The following POLR1B variants were observed in gnomAD, a reference collection of about 807,000 sequenced individuals.
POLR1B encodes the protein DNA-directed RNA polymerase I subunit RPA2.
POLR1B carries 30 observed loss-of-function variants against 105.8 expected under a neutral mutation model. That is an observed-to-expected ratio of 0.28 (90% CI 0.21 to 0.38). POLR1B has a LOEUF of 0.38. Ranked by LOEUF, POLR1B falls within the 10% of genes least tolerant of loss-of-function variation. The pLI is 1.00. For missense variants in POLR1B, 976 were observed against 1,435.8 expected (o/e 0.68, Z 5.17); for synonymous variants, 485 against 505.1 (o/e 0.96, Z 0.53).
rs1684429378 is a variant in POLR1B at position 112,568,666 on chromosome 2, G to A, written c.1918-80G>A. The A allele has an allele frequency of 1.4e-5, 21 of 1,490,336 alleles. 1 individual carries two copies. The South Asian group carries it at 2.3e-4, about 16-fold the overall frequency. The allele number at this position is 1,490,336 out of a possible 1,614,324, so 92.3% of individuals were successfully genotyped here. On this transcript the variant is annotated intron_variant, in intron 11 of 14. Transcript: ENST00000263331. ...GGATGGTTTTCTCTTGAGTCTTTGA[G>A]TACTGAACTCTGAGAAATGGTAAGA...
chr2:112,561,143 A>G, intron 9 of POLR1B, among the ~76,000 whole-genome samples: 1 of 152,132 alleles, frequency 6.6e-6, no homozygotes, highest in African/African-American at 2.4e-5. Context: ...AAGATTCAGA[A>G]GATGTAATCA....
At position 112,563,506 on chromosome 2, in the gene POLR1B, C is replaced by T. The variant is rs567687726; in HGVS notation, c.1613-860C>T. 8.5e-5 allele frequency among the ~76,000 whole-genome samples: 13 copies of T among 152,306 alleles called. No individual in the cohort carries two copies. In the East Asian group the frequency reaches 9.6e-4, roughly 11 times the overall value. On this transcript the variant is annotated intron_variant, in intron 9 of 14. Transcript: ENST00000263331. The stretch of plus-strand genomic sequence containing the variant: ...TGCAGTCAGTCCCCTCAAACCCTGC[C>T]GCTGTTTTATCAACTAAGTTTATGA...
intron 1 of POLR1B, 172 bp downstream of exon 1, chr2:112,542,843 CT>C: frequency 1.3e-6 from 1 of 768,434 alleles, no homozygotes; most frequent in East Asian, 2.7e-5. Context: ...CTTCGTGAGA[CT>C]TGGAGTCGAG....
At chr2:112,542,046 G>A (rs1682770967), upstream of POLR1B, 1 of 1,473,934 alleles carries the variant, frequency 6.8e-7, no homozygotes, top group East Asian at 2.5e-5. Context: ...GACTTTGGCC[G>A]GATGACTCCC....
intron 7 of POLR1B, among the ~76,000 whole-genome samples, chr2:112,555,308 T>C (rs1319646729): frequency 1.3e-5 from 2 of 151,488 alleles, no homozygotes; most frequent in Non-Finnish European, 2.9e-5. Flanking sequence ...CACTGCACTC[T>C]AGCCTGGGCA....
chr2:112,564,033 A>G (rs1474433669), intron 9 of POLR1B, among the ~76,000 whole-genome samples: 1 of 152,166 alleles, frequency 6.6e-6, no homozygotes, highest in Non-Finnish European at 1.5e-5. Context: ...TGCTATTTCT[A>G]CCACATCTAC....
At chr2:112,558,242 G>T (rs907147459) in intron 8 of POLR1B, among the ~76,000 whole-genome samples, 161 bp downstream of exon 8, 4 of 152,184 alleles carry the variant, frequency 2.6e-5, no homozygotes, top group African/African-American at 9.7e-5. Flanking sequence ...CTTTAGACAA[G>T]GTGTCTGTAT....
In POLR1B at chr2:112,573,697, G is replaced by C. The variant is rs779282177; in HGVS notation, c.2407G>C (p.Val803Leu). ...TGGCATCAAACCTGGTGACCCACGC[G>C]TTCTGCAGAAGTTAGATGACGATGG... is the stretch of plus-strand genomic sequence containing the variant. ...VFGIKPGDPR[V>L]LQKLDDDGLP... The change falls in exon 14 of 15, where the codon GTT becomes CTT. Residue 803 changes from valine to leucine, a missense_variant. Coordinates refer to ENST00000263331, the MANE Select transcript of POLR1B (RefSeq NM_019014.6). The C allele has an allele frequency of 1.2e-6, 2 of 1,614,092 alleles. No homozygotes were observed. The highest frequency in any genetic ancestry group is 1.7e-5 in the Admixed American group (1 of 59,996).
chr2:112,545,728 C>A (rs1448261127), intron 1 of POLR1B: 4 of 223,164 alleles, frequency 1.8e-5, no homozygotes, highest in East Asian at 1.8e-4. Flanking sequence ...CAGCCTCGAC[C>A]TTCCAGGATC....
chr2:112,542,802 C>T, intron 1 of POLR1B, 131 bp downstream of exon 1: 9 of 1,212,410 alleles, frequency 7.4e-6, no homozygotes, highest in Non-Finnish European at 9.1e-6. Flanking sequence ...AGCGGGAGAG[C>T]ACAACATGTT....
intron 1 of POLR1B, among the ~76,000 whole-genome samples, chr2:112,544,876 A>G (rs2104502584): frequency 6.6e-6 from 1 of 152,266 alleles, no homozygotes; most frequent in South Asian, 2.1e-4. Flanking sequence ...ATTGATTTTT[A>G]TTACTTGGGG....
In POLR1B at chr2:112,549,155, A is replaced by T; in HGVS notation, c.493-112A>T. On this transcript the variant is annotated intron_variant, in intron 3 of 14. Transcript: ENST00000263331. ...TTTCAAGGGATCAGTAGTACATTTCACCTCTGTGTTCCTATTCTGTGTGTT... is the reference window on the plus strand; with the variant it reads ...TTTCAAGGGATCAGTAGTACATTTCTCCTCTGTGTTCCTATTCTGTGTGTT... 3 of 1,185,586 alleles carry T rather than the reference A, an allele frequency of 2.5e-6. No individual in the cohort carries two copies. In the East Asian group the frequency reaches 7.1e-5, roughly 28 times the overall value. The allele number at this position is 1,185,586 out of a possible 1,614,324, so 73.4% of individuals were successfully genotyped here.
rs1470876835 is a variant in POLR1B at position 112,567,830 on chromosome 2, C to T, written c.1747-137C>T. 3.5e-5 allele frequency: 23 copies of T among 660,774 alleles called. No individual in the cohort carries two copies. In the East Asian group the frequency reaches 4.6e-4, roughly 13 times the overall value. The allele number at this position is 660,774 out of a possible 1,614,324, so 40.9% of individuals were successfully genotyped here. ...CAGTAGTTAGTGATTTGCCTACTAGCTGGGGTGAGCACCCAAGGAAGTAGG... is the reference window on the plus strand; with the variant it reads ...CAGTAGTTAGTGATTTGCCTACTAGTTGGGGTGAGCACCCAAGGAAGTAGG... On this transcript the variant is annotated intron_variant, in intron 10 of 14. Transcript: ENST00000263331.
intron 4 of POLR1B, 140 bp downstream of exon 4, chr2:112,549,539 G>A (rs1015234688): frequency 3.3e-5 from 23 of 688,716 alleles, no homozygotes; most frequent in Non-Finnish European, 4.3e-5. Context: ...GTTTCACCAC[G>A]TTGCCCAGGC....
At position 112,547,564 on chromosome 2, in the gene POLR1B, A is replaced by G. The variant is rs755587172; in HGVS notation, c.489A>G (p.Ala163=). ...CCCTCATTGAGCACCATGAGGAGGC[A>G]GAGGTAATGACGGGCGTCCAGGCAT... The part of the protein sequence containing the change: ...PQALIEHHEE[A]EEMGGYFIIN... The change falls in exon 3 of 15, where the codon GCA becomes GCG. Residue 163 remains alanine, a synonymous_variant. Transcript: ENST00000263331. The G allele has an allele frequency of 6.2e-7, 1 of 1,614,024 alleles. No individual in the cohort carries two copies. Among genetic ancestry groups the G allele is most frequent in the South Asian group, 1.1e-5 (1 of 91,034 alleles).
intron 4 of POLR1B, 141 bp from the exon 5 acceptor site, chr2:112,550,725 C>A (rs1445529379): frequency 1.2e-5 from 10 of 801,686 alleles, no homozygotes; most frequent in African/African-American, 3.5e-5. Context: ...GGTTTAGAAA[C>A]ATTTTTGATT....
At position 112,576,080 on chromosome 2, in the gene POLR1B, G is replaced by A. The variant is rs1574142906; in HGVS notation, c.*351G>A. 13 of 252,110 alleles carry A rather than the reference G, an allele frequency of 5.2e-5. No homozygotes were observed. In the East Asian group the frequency reaches 1.2e-3, roughly 23 times the overall value. The allele number at this position is 252,110 out of a possible 1,614,324, so 15.6% of individuals were successfully genotyped here. ...ACACCTGTTAATCCATCTTGAGCAG[G>A]ACAGTACTATACAAATAGAATGCAA... On this transcript the variant is annotated 3_prime_UTR_variant, in exon 15 of 15. Coordinates refer to ENST00000263331, the MANE Select transcript of POLR1B (RefSeq NM_019014.6).
rs566656130 is a variant in POLR1B, at chr2:112,576,702, T to C, written c.*973T>C. 1.3e-5 allele frequency: 2 copies of C among 152,284 alleles called. No individual in the cohort carries two copies. Among genetic ancestry groups the C allele is most frequent in the East Asian group, 3.9e-4 (2 of 5,180 alleles). The allele number at this position is 152,284 out of a possible 1,614,324, so 9.4% of individuals were successfully genotyped here. A position where few individuals can be genotyped will look rare whatever the true frequency, so the allele number is the denominator to read the frequency against. On this transcript the variant is annotated 3_prime_UTR_variant, in exon 15 of 15. Transcript: ENST00000263331. The stretch of plus-strand genomic sequence containing the variant: ...GCTGTGCATCTATAGTCCCTGCTAT[T>C]TGAGAGGCTGAGGTGGGAGGATCAT...
chr2:112,559,230 G>C, intron 8 of POLR1B, 63 bp from the exon 9 acceptor site: 1 of 1,573,658 alleles, frequency 6.4e-7, no homozygotes, highest in Non-Finnish European at 8.7e-7. Flanking sequence ...TCGTCATAAA[G>C]CCTCAACAAT....
Sources: allele counts gnomAD v4.1 joint callset (sites outside exome capture counted in the v4.1 genomes callset), GRCh38; gene constraint gnomAD v4.1.1; transcripts MANE v1.5; gene names NCBI Gene and HGNC (gene_info 2026-07-23, HGNC 2026-07-21).